Variants in CSMD3 observed in about 807,000 individuals in gnomAD.
CSMD3 encodes the protein CUB and Sushi multiple domains 3.
In CSMD3, 177 loss-of-function variants were observed where a neutral mutation model predicts 435.2. The observed-to-expected ratio is 0.41, with a 90% confidence interval of 0.36 to 0.46. The LOEUF is 0.46. Ranked by LOEUF, CSMD3 falls within the 20% of genes least tolerant of loss-of-function variation. The pLI is 0.34. For missense variants in CSMD3, 4,265 were observed against 4,504.6 expected (o/e 0.95, Z 1.52); for synonymous variants, 1,656 against 1,520.5 (o/e 1.09, Z -2.07).
At chr8:113,050,138 T>G (rs970864272) in intron 5 of CSMD3, among the ~76,000 whole-genome samples, 1 of 152,098 alleles carries the variant, frequency 6.6e-6, no homozygotes, top group Non-Finnish European at 1.5e-5. Flanking sequence ...ATTTCTAAAG[T>G]TAAAAAAAGT....
intron 45 of CSMD3, among the ~76,000 whole-genome samples, chr8:112,329,547 C>T (rs1823838303): frequency 6.6e-6 from 1 of 152,030 alleles, no homozygotes; most frequent in African/African-American, 2.4e-5. Flanking sequence ...CTCATACAGT[C>T]AAATTCCTTT....
chr8:113,412,003 C>G (rs528654252), intron 1 of CSMD3, among the ~76,000 whole-genome samples: 2 of 152,012 alleles, frequency 1.3e-5, no homozygotes, highest in Admixed American at 6.6e-5. Flanking sequence ...CGGTTAATGT[C>G]TTTTTGCTCT....
intron 57 of CSMD3, among the ~76,000 whole-genome samples, chr8:112,288,691 C>T (rs1017710165): frequency 4.0e-5 from 6 of 151,722 alleles, no homozygotes; most frequent in East Asian, 3.9e-4. Context: ...AGATCTAAAA[C>T]GTAAATGGTG....
At chr8:112,346,042 T>A in intron 41 of CSMD3, 55 bp downstream of exon 41, 1 of 975,818 alleles carries the variant, frequency 1.0e-6, no homozygotes. Context: ...AAATTTATTT[T>A]AAGGCTACAT....
At position 112,370,533 on chromosome 8, in the gene CSMD3, T is replaced by C. The variant is rs527617326; in HGVS notation, c.6136+9819A>G. ...ATTTAATTTCCTACTACCTCACTTT[T>C]TTGTTCTTCATACTTCTGTTTCGTG... is the stretch of plus-strand genomic sequence containing the variant. On this transcript the variant is annotated intron_variant, in intron 38 of 70. Coordinates refer to ENST00000297405, the MANE Select transcript of CSMD3 (RefSeq NM_198123.2). Among the ~76,000 whole-genome samples the C allele has an allele frequency of 1.9e-4, 29 of 152,260 alleles. No individual in the cohort carries two copies. In the East Asian group the frequency reaches 5.4e-3, roughly 28 times the overall value.
At chr8:113,159,210 T>C in intron 4 of CSMD3, among the ~76,000 whole-genome samples, 1 of 151,884 alleles carries the variant, frequency 6.6e-6, no homozygotes, top group East Asian at 1.9e-4. Flanking sequence ...ATTTGTGCAA[T>C]AAAAATATGT....
At chr8:112,312,195 T>C (rs982253799) in intron 49 of CSMD3, among the ~76,000 whole-genome samples, 2 of 152,206 alleles carry the variant, frequency 1.3e-5, no homozygotes, top group Non-Finnish European at 2.9e-5. Flanking sequence ...GTTTATATTA[T>C]AGAAACATAA....
intron 4 of CSMD3, among the ~76,000 whole-genome samples, chr8:113,155,537 C>A (rs189374341): frequency 6.6e-6 from 1 of 151,928 alleles, no homozygotes; most frequent in East Asian, 1.9e-4. Flanking sequence ...AAGATACCAT[C>A]CTGAGGGCAA....
intron 66 of CSMD3, among the ~76,000 whole-genome samples, 181 bp from the exon 67 acceptor site, chr8:112,237,529 G>A (rs1405220560): frequency 1.3e-5 from 2 of 151,934 alleles, no homozygotes; most frequent in Non-Finnish European, 2.9e-5. Context: ...AATCCACATT[G>A]TAATAATCTA....
intron 3 of CSMD3, among the ~76,000 whole-genome samples, chr8:113,184,117 C>T (rs574350287): frequency 1.3e-4 from 20 of 152,004 alleles, no homozygotes; most frequent in South Asian, 6.2e-4. Flanking sequence ...CACTTGCTTA[C>T]GTTTACCAGT....
intron 6 of CSMD3, among the ~76,000 whole-genome samples, chr8:112,978,066 T>G (rs1442588912): frequency 6.6e-6 from 1 of 152,020 alleles, no homozygotes; most frequent in Non-Finnish European, 1.5e-5. Flanking sequence ...TAATTGAGCC[T>G]TTTTATTTTT....
At chr8:112,834,684 T>A (rs1460085064) in intron 11 of CSMD3, among the ~76,000 whole-genome samples, 1 of 151,698 alleles carries the variant, frequency 6.6e-6, no homozygotes, top group Non-Finnish European at 1.5e-5. Context: ...TATTTTTGTA[T>A]AATATAGAAA....
intron 69 of CSMD3, among the ~76,000 whole-genome samples, 190 bp downstream of exon 69, chr8:112,231,355 G>C (rs185109274): frequency 6.8e-4 from 103 of 152,114 alleles, no homozygotes; most frequent in African/African-American, 2.2e-3. Flanking sequence ...GTACAGAGTT[G>C]GTACATAAAG....
At chr8:112,906,164 G>C (rs1234528050) in intron 10 of CSMD3, among the ~76,000 whole-genome samples, 1 of 151,194 alleles carries the variant, frequency 6.6e-6, no homozygotes, top group African/African-American at 2.4e-5. Flanking sequence ...CCGAATCTAT[G>C]GCTATTTAGT....
chr8:113,273,053 T>C (rs529468181), intron 3 of CSMD3, among the ~76,000 whole-genome samples: 208 of 152,206 alleles, frequency 1.4e-3, no homozygotes, highest in Non-Finnish European at 2.6e-3. Context: ...TTTGAGGTGA[T>C]AGATATCCCA....
Position 112,636,808 on chromosome 8 carries a change from A to C in CSMD3, c.3715+9T>G. 1 of 1,611,734 alleles carries C rather than the reference A, an allele frequency of 6.2e-7. No homozygotes were observed. The highest frequency in any genetic ancestry group is 8.5e-7 in the Non-Finnish European group (1 of 1,178,198). Reference sequence around the variant, plus strand: ...ACATACAAGCAAATGAAAGCAGCTGACCACGTACCCACACACCTTGGCAGA... The same window carrying C: ...ACATACAAGCAAATGAAAGCAGCTGCCCACGTACCCACACACCTTGGCAGA... On this transcript the variant is annotated intron_variant, in intron 22 of 70. Transcript: ENST00000297405.
At chr8:112,336,535 AC>A (rs1271863388) in intron 44 of CSMD3, 116 bp downstream of exon 44, 3 of 826,622 alleles carry the variant, frequency 3.6e-6, no homozygotes, top group Non-Finnish European at 6.1e-6. Flanking sequence ...TCAGTTACTC[AC>A]ATCAATTCAA....
At chr8:112,776,470 T>C (rs538949816) in intron 13 of CSMD3, among the ~76,000 whole-genome samples, 1 of 151,772 alleles carries the variant, frequency 6.6e-6, no homozygotes, top group Admixed American at 6.6e-5. Context: ...TTACTTTCTT[T>C]CATTTACTTT....
chr8:112,575,554 T>C (rs1359339602), intron 23 of CSMD3, among the ~76,000 whole-genome samples: 1 of 152,088 alleles, frequency 6.6e-6, no homozygotes, highest in Non-Finnish European at 1.5e-5. Context: ...TTTCCTAATA[T>C]TATAAGGGAA....
Sources: allele counts gnomAD v4.1 joint callset (sites outside exome capture counted in the v4.1 genomes callset), GRCh38; gene constraint gnomAD v4.1.1; transcripts MANE v1.5; gene names NCBI Gene and HGNC (gene_info 2026-07-23, HGNC 2026-07-21).